Variants in AZI2 observed in about 807,000 individuals in gnomAD.
AZI2 encodes the protein 5-azacytidine induced 2, also known as 5-azacytidine-induced protein 2.
A neutral mutation model predicts 45.8 loss-of-function variants in AZI2; 22 were observed. The observed-to-expected ratio is 0.48, with a 90% CI of 0.34 to 0.69. The LOEUF is 0.69. Ranked by LOEUF, AZI2 falls within the 30% of genes least tolerant of loss-of-function variation. The pLI, the probability that AZI2 is intolerant of heterozygous loss-of-function variation, is 0.01. For missense variants in AZI2, 417 were observed against 441.5 expected (o/e 0.94, Z 0.50); for synonymous variants, 137 against 156.7 (o/e 0.87, Z 0.94).
At chr3:28,325,640 A>G (rs1452581298) in intron 7 of AZI2, among the ~76,000 whole-genome samples, 1 of 151,100 alleles carries the variant, frequency 6.6e-6, no homozygotes, top group Admixed American at 6.6e-5. Context: ...AGCCATGTCC[A>G]AGTATGAAAA....
chr3:28,326,556 C>T, intron 7 of AZI2: 1 of 292,308 alleles, frequency 3.4e-6, no homozygotes, highest in South Asian at 4.4e-5. Context: ...AAACTTAACA[C>T]CTCAGTCTTA....
chr3:28,335,188 A>G (rs149487297), intron 5 of AZI2, among the ~76,000 whole-genome samples: 20 of 152,172 alleles, frequency 1.3e-4, no homozygotes, highest in Non-Finnish European at 2.6e-4. Flanking sequence ...CCTAATGTTA[A>G]CAGTTAATAA....
At position 28,322,097 on chromosome 3, in the gene AZI2, TGGGTAA is replaced by T. The variant is rs1387812298; in HGVS notation, c.*1939_*1944del. The T allele has an allele frequency of 6.6e-6, 1 of 150,992 alleles. No individual in the cohort carries two copies. The highest frequency in any genetic ancestry group is 1.5e-5 in the Non-Finnish European group (1 of 67,340). 9.4% of individuals were successfully genotyped at this position (150,992 alleles called of 1,614,324 possible). A position where few individuals can be genotyped will look rare whatever the true frequency, so the allele number is the denominator to read the frequency against. ...AAGTGTAGATTTAAAAGCTTCTAGC[TGGGTAA>T]AAAATTTTTGGCTAATCTTTCCTTA... On this transcript the variant is annotated 3_prime_UTR_variant, in exon 8 of 8. Coordinates refer to ENST00000479665, the MANE Select transcript of AZI2 (RefSeq NM_022461.5).
intron 1 of AZI2, among the ~76,000 whole-genome samples, chr3:28,344,126 G>GA: frequency 6.6e-6 from 1 of 151,926 alleles, no homozygotes; most frequent in Non-Finnish European, 1.5e-5. Flanking sequence ...AGTTATGTAA[G>GA]AAATAGCCAT....
chr3:28,330,456 A>G (rs745758014), intron 6 of AZI2, among the ~76,000 whole-genome samples: 5 of 151,392 alleles, frequency 3.3e-5, no homozygotes, highest in Non-Finnish European at 7.4e-5. Flanking sequence ...TTTCTCCAAT[A>G]TAGTAAACTA....
chr3:28,330,070 G>GT (rs552574993), intron 6 of AZI2, among the ~76,000 whole-genome samples: 75 of 151,112 alleles, frequency 5.0e-4, no homozygotes, highest in African/African-American at 1.7e-3. Flanking sequence ...GTTCCACAAT[G>GT]TAAGTTTACA....
At position 28,323,870 on chromosome 3, in the gene AZI2, G is replaced by A; in HGVS notation, c.*172C>T. 1.6e-6 allele frequency: 1 copy of A among 640,638 alleles called. No homozygotes were observed. The highest frequency in any genetic ancestry group is 2.9e-5 in the South Asian group (1 of 34,446). 39.7% of individuals were successfully genotyped at this position (640,638 alleles called of 1,614,324 possible). ...AGCTAGAGGGTGCTCTTTCATACTA[G>A]AAAACCAACTATGTTGGTTTTTGTA... On this transcript the variant is annotated 3_prime_UTR_variant, in exon 8 of 8. Coordinates refer to ENST00000479665, the MANE Select transcript of AZI2 (RefSeq NM_022461.5).
chr3:28,323,447 A>C lies in AZI2; in HGVS notation c.*595T>G, dbSNP rs1316384047. 2 of 151,184 alleles carry C rather than the reference A, an allele frequency of 1.3e-5. No homozygotes were observed. The highest frequency in any genetic ancestry group is 4.8e-5 in the African/African-American group (2 of 41,244). The allele number at this position is 151,184 out of a possible 1,614,324, so 9.4% of individuals were successfully genotyped here. On this transcript the variant is annotated 3_prime_UTR_variant, in exon 8 of 8. Transcript: ENST00000479665. ...AGGTTGTTTCAAGTCTTAGAATTCA[A>C]ACTTCAATTCTAAAAAAATTTTATC... is the stretch of plus-strand genomic sequence containing the variant.
In AZI2 at chr3:28,345,589, T is replaced by C. The variant is rs1412684570; in HGVS notation, c.-6+3012A>G. On this transcript the variant is annotated intron_variant, in intron 1 of 7. Transcript: ENST00000479665. ...TTGAGAACAATGAAATTTCCAAGAA[T>C]GATAAAAAAGAAAGGGCACAATTTG... Among the ~76,000 whole-genome samples the C allele has an allele frequency of 2.0e-5, 3 of 151,934 alleles. No homozygotes were observed. The South Asian group carries it at 6.2e-4, about 31-fold the overall frequency.
chr3:28,343,527 C>A (rs895506421), intron 1 of AZI2, among the ~76,000 whole-genome samples: 1 of 151,710 alleles, frequency 6.6e-6, no homozygotes, highest in South Asian at 2.1e-4. Context: ...TGAATACTTA[C>A]AATGTTGATT....
chr3:28,329,432 A>G (rs1274572168), intron 6 of AZI2, among the ~76,000 whole-genome samples: 1 of 151,206 alleles, frequency 6.6e-6, no homozygotes, highest in Non-Finnish European at 1.5e-5. Context: ...TATAAGTTTT[A>G]TACTTCTCAG....
chr3:28,337,066 G>A (rs1031206483), intron 4 of AZI2, 181 bp from the exon 5 acceptor site: 8 of 563,414 alleles, frequency 1.4e-5, no homozygotes, highest in African/African-American at 1.1e-4. Context: ...TAAGGAGAAT[G>A]AGAAATCTAG....
intron 6 of AZI2, chr3:28,331,764 AT>A: frequency 6.8e-7 from 1 of 1,478,508 alleles, no homozygotes. Flanking sequence ...AACAACAATT[AT>A]TAGATAGCTT....
intron 2 of AZI2, 24 bp downstream of exon 2, chr3:28,340,378 A>G: frequency 7.0e-7 from 1 of 1,430,504 alleles, no homozygotes; most frequent in Non-Finnish European, 9.7e-7. Flanking sequence ...CACAAACGCA[A>G]TGAAGGTAAA....
chr3:28,338,172 G>A (rs1180512497), intron 3 of AZI2, 136 bp from the exon 4 acceptor site: 5 of 502,472 alleles, frequency 1.0e-5, no homozygotes, highest in African/African-American at 4.0e-5. Flanking sequence ...CAGTTTCTCA[G>A]AAATGTCTTT....
At chr3:28,348,533 A>C (rs1211319370) in intron 1 of AZI2, 68 bp downstream of exon 1, 4 of 152,624 alleles carry the variant, frequency 2.6e-5, no homozygotes, top group Admixed American at 6.5e-5. Context: ...GACCGGCAAC[A>C]GCTACGGAGG....
chr3:28,323,757 CAATT>C lies in AZI2; in HGVS notation c.*281_*284del, dbSNP rs764318820. ...CATTCTTCTGAGAGGCAAAATTTTA[CAATT>C]AATATAGAAGGCAGAGTTTTTTAAA... On this transcript the variant is annotated 3_prime_UTR_variant, in exon 8 of 8. Transcript: ENST00000479665. 1.7e-4 allele frequency: 39 copies of C among 228,954 alleles called. No homozygotes were observed. Among genetic ancestry groups the C allele is most frequent in the Admixed American group, 3.3e-4 (6 of 18,218 alleles). 14.2% of individuals were successfully genotyped at this position (228,954 alleles called of 1,614,324 possible).
chr3:28,327,021 A>G, intron 6 of AZI2, 71 bp from the exon 7 acceptor site: 8 of 1,046,860 alleles, frequency 7.6e-6, no homozygotes, highest in Non-Finnish European at 1.1e-5. Context: ...TAACTTTAGA[A>G]ATATGCAGAT....
chr3:28,330,680 A>G (rs1335024027), intron 6 of AZI2, among the ~76,000 whole-genome samples: 1 of 151,302 alleles, frequency 6.6e-6, no homozygotes, highest in African/African-American at 2.4e-5. Context: ...TCTAGTACAT[A>G]ACCAGAAGAG....
Sources: allele counts gnomAD v4.1 joint callset (sites outside exome capture counted in the v4.1 genomes callset), GRCh38; gene constraint gnomAD v4.1.1; transcripts MANE v1.5; gene names NCBI Gene and HGNC (gene_info 2026-07-23, HGNC 2026-07-21).